MAGI3: variants seen among roughly 807,000 people sequenced by gnomAD.
The protein encoded by MAGI3 is membrane-associated guanylate kinase, WW and PDZ domain-containing protein 3.
Under a neutral mutation model 121.8 loss-of-function variants are expected in MAGI3, and 43 were observed. That is an observed-to-expected ratio of 0.35 (90% confidence interval 0.28 to 0.46). The LOEUF (loss-of-function observed/expected upper bound fraction) is 0.46. Ranked by LOEUF, MAGI3 falls within the 20% of genes least tolerant of loss-of-function variation. The probability of loss-of-function intolerance (pLI) is 1.00; values close to 1 mark genes in which losing one functional copy is unlikely to be tolerated. For synonymous variants in MAGI3, 553 were observed against 639.3 expected, an observed-to-expected ratio of 0.86 and a Z score of 2.04; for missense variants, 1,547 against 1,797.3, an observed-to-expected ratio of 0.86 and a Z score of 2.52.
At chr1:113,622,527 C>A (rs961328825) in intron 8 of MAGI3, among the ~76,000 whole-genome samples, 5 of 152,138 alleles carry the variant, frequency 3.3e-5, no homozygotes, top group Admixed American at 1.3e-4. Context: ...TGACACTTGA[C>A]TTCATCTTCC....
At chr1:113,547,262 G>A (rs773457344) in intron 1 of MAGI3, among the ~76,000 whole-genome samples, 91 of 151,062 alleles carry the variant, frequency 6.0e-4, no homozygotes, top group Admixed American at 4.2e-3. Flanking sequence ...ATCTTTGTAC[G>A]TTATACCATA....
chr1:113,447,098 T>C (rs1462945295), intron 1 of MAGI3, among the ~76,000 whole-genome samples: 1 of 152,226 alleles, frequency 6.6e-6, no homozygotes, highest in East Asian at 1.9e-4. Flanking sequence ...ATGGTGTGAA[T>C]GTATTTAGTA....
At chr1:113,554,280 CAT>C (rs146155192) in intron 2 of MAGI3, among the ~76,000 whole-genome samples, 10,221 of 150,660 alleles carry the variant, frequency 0.068, 371 homozygotes, top group African/African-American at 0.076. Context: ...TATAAATATT[CAT>C]ATGTGTGTGT....
chr1:113,450,097 T>A, intron 1 of MAGI3: 1 of 1,480,294 alleles, frequency 6.8e-7, no homozygotes, highest in South Asian at 1.1e-5. Context: ...ATTGAAACCA[T>A]AGAAGTTACG....
At chr1:113,597,994 A>G (rs949467718) in intron 6 of MAGI3, among the ~76,000 whole-genome samples, 2 of 152,106 alleles carry the variant, frequency 1.3e-5, no homozygotes, top group Non-Finnish European at 2.9e-5. Context: ...TGGGCGGATA[A>G]TGAGGTCAGG....
chr1:113,670,630 T>TTGATGA (rs536306459), intron 16 of MAGI3, among the ~76,000 whole-genome samples: 8 of 152,170 alleles, frequency 5.3e-5, no homozygotes, highest in East Asian at 1.9e-4. Context: ...AGATATCATT[T>TTGATGA]TGATGATGAT....
intron 9 of MAGI3, among the ~76,000 whole-genome samples, chr1:113,623,453 T>TACACACACACACACACAC (rs796174057): frequency 0.019 from 2,433 of 125,988 alleles, 45 homozygotes; most frequent in African/African-American, 0.027. Flanking sequence ...TACACACACA[T>TACACACACACACACACAC]ACACACACAC....
At position 113,545,326 on chromosome 1, in the gene MAGI3, CA is replaced by C. The variant is rs1325850709; in HGVS notation, c.317-4188del. On this transcript the variant is annotated intron_variant, in intron 1 of 20. Transcript: ENST00000307546. ...AGAATAAGACATGCCAAAATGACCTCATTTTTTTTTTGCTTTATTTTTAGTT... is the reference window on the plus strand; with the variant it reads ...AGAATAAGACATGCCAAAATGACCTCTTTTTTTTTTGCTTTATTTTTAGTT... Among the ~76,000 whole-genome samples, 5 of 146,664 alleles carry C rather than the reference CA, an allele frequency of 3.4e-5. No individual in the cohort carries two copies. In the Admixed American group the frequency reaches 3.4e-4, roughly 10 times the overall value.
intron 9 of MAGI3, among the ~76,000 whole-genome samples, chr1:113,638,248 TC>T (rs1406165097): frequency 6.6e-6 from 1 of 152,230 alleles, no homozygotes; most frequent in Admixed American, 6.5e-5. Flanking sequence ...TCATTCTCCA[TC>T]CAGCTTTGTT....
intron 2 of MAGI3, among the ~76,000 whole-genome samples, chr1:113,575,382 G>C (rs138703157): frequency 3.9e-5 from 6 of 151,984 alleles, no homozygotes; most frequent in African/African-American, 1.4e-4. Flanking sequence ...TTGGGTGAGC[G>C]TCCTTTTGGT....
At chr1:113,420,005 G>A (rs1652653164) in intron 1 of MAGI3, among the ~76,000 whole-genome samples, 1 of 152,148 alleles carries the variant, frequency 6.6e-6, no homozygotes. Context: ...TCTTTGTGAT[G>A]ATACTGTGCA....
At chr1:113,424,694 G>A (rs1006095789) in intron 1 of MAGI3, among the ~76,000 whole-genome samples, 26 of 152,166 alleles carry the variant, frequency 1.7e-4, no homozygotes, top group African/African-American at 6.0e-4. Context: ...GACATAGACT[G>A]ATTCCAGTTT....
chr1:113,596,891 C>A (rs1276095483), intron 6 of MAGI3, among the ~76,000 whole-genome samples: 2 of 151,854 alleles, frequency 1.3e-5, no homozygotes, highest in African/African-American at 4.8e-5. Context: ...AATGGTATAG[C>A]CACTTTGGAG....
At chr1:113,551,480 A>G (rs1209257005) in intron 2 of MAGI3, among the ~76,000 whole-genome samples, 1 of 152,238 alleles carries the variant, frequency 6.6e-6, no homozygotes, top group Non-Finnish European at 1.5e-5. Flanking sequence ...TTAGCATCGC[A>G]TAAAATATTT....
intron 2 of MAGI3, among the ~76,000 whole-genome samples, chr1:113,569,572 A>G (rs1465420592): frequency 1.3e-5 from 2 of 152,156 alleles, no homozygotes; most frequent in Non-Finnish European, 2.9e-5. Context: ...CTCTCTTATT[A>G]TGGGTGCATG....
intron 1 of MAGI3, among the ~76,000 whole-genome samples, chr1:113,441,235 A>G (rs1653897368): frequency 6.6e-6 from 1 of 152,094 alleles, no homozygotes; most frequent in Non-Finnish European, 1.5e-5. Flanking sequence ...AGTGAAAACA[A>G]AGGGATCTGC....
rs1246832728 is a variant in MAGI3, at chr1:113,666,320, T to C, written c.2816-5414T>C. Among the ~76,000 whole-genome samples, 4 of 152,374 alleles carry C rather than the reference T, an allele frequency of 2.6e-5. No individual in the cohort carries two copies. In the South Asian group the frequency reaches 6.2e-4, roughly 24 times the overall value. ...TAAAACTTCTTTCAAAATTGGACTT[T>C]GTCCTCTCAAACTTTGCCTCTACTT... On this transcript the variant is annotated intron_variant, in intron 16 of 20. Transcript: ENST00000307546.
At chr1:113,431,128 G>A (rs150919037) in intron 1 of MAGI3, among the ~76,000 whole-genome samples, 1 of 152,062 alleles carries the variant, frequency 6.6e-6, no homozygotes, top group South Asian at 2.1e-4. Flanking sequence ...GGGCCTGGGC[G>A]ATGGAGTGAG....
chr1:113,635,278 T>A (rs1191877094), intron 9 of MAGI3, among the ~76,000 whole-genome samples: 1 of 152,208 alleles, frequency 6.6e-6, no homozygotes, highest in Admixed American at 6.5e-5. Context: ...ATAGGAGTGG[T>A]GAGAGAGGGC....
Sources: gnomAD v4.1 joint callset for allele counts (sites outside exome capture counted in the v4.1 genomes callset) on GRCh38, gnomAD v4.1.1 for gene constraint, MANE v1.5 for transcripts, NCBI Gene and HGNC (gene_info 2026-07-23, HGNC 2026-07-21) for gene names.